CLHC1: variants seen among roughly 807,000 people sequenced by gnomAD.
CLHC1 encodes the protein clathrin heavy chain linker domain-containing protein 1.
CLHC1 carries 72 observed loss-of-function variants against 69.5 expected under a neutral mutation model. The observed-to-expected ratio is 1.04, with a 90% CI of 0.86 to 1.26. The LOEUF is 1.26. Ranked by LOEUF, CLHC1 falls within the 50% of genes most tolerant of loss-of-function variation. The pLI, the probability that CLHC1 is intolerant of heterozygous loss-of-function variation, is 0.00. For synonymous variants in CLHC1, 223 were observed against 224.3 expected (o/e 0.99, Z 0.05); for missense variants, 790 against 679.3 (o/e 1.16, Z -1.81).
intron 3 of CLHC1, among the ~76,000 whole-genome samples, chr2:55,221,660 T>C (rs1439563515): frequency 2.0e-5 from 3 of 152,204 alleles, no homozygotes; most frequent in African/African-American, 4.8e-5. Flanking sequence ...AGAGGGTACA[T>C]ACAGCCAGGT....
At chr2:55,230,379 G>T (rs1675176517) in intron 1 of CLHC1, among the ~76,000 whole-genome samples, 1 of 152,204 alleles carries the variant, frequency 6.6e-6, no homozygotes, top group Non-Finnish European at 1.5e-5. Flanking sequence ...CATGGGAAGA[G>T]CAATTTCATG....
In CLHC1 at chr2:55,222,305, T is replaced by C. The variant is rs781273191; in HGVS notation, c.107A>G (p.Glu36Gly). The C allele has an allele frequency of 6.2e-7, 1 of 1,613,704 alleles. No homozygotes were observed. The highest frequency in any genetic ancestry group is 1.1e-5 in the South Asian group (1 of 91,076). Residue 36 changes from glutamate to glycine, a missense_variant, in exon 3 of 13, where the codon GAA becomes GGA. Transcript: ENST00000401408. ...TCCTTCCTCACTACAGCCCAGTCTT[T>C]CAGTTTCTGTAATTATGTATCTTTG... Reference protein sequence around the residue: ...SVQRYIITETERLGCSEEGPA... With the variant: ...SVQRYIITETGRLGCSEEGPA...
At chr2:55,214,867 G>C (rs907566379) in intron 4 of CLHC1, 2 of 152,150 alleles carry the variant, frequency 1.3e-5, no homozygotes, top group East Asian at 1.9e-4. Context: ...GTATTATTCA[G>C]CCATAAAAAG....
intron 9 of CLHC1, among the ~76,000 whole-genome samples, chr2:55,203,771 C>A (rs1020178143): frequency 6.6e-6 from 1 of 151,928 alleles, no homozygotes; most frequent in East Asian, 1.9e-4. Context: ...TGCATAATAC[C>A]CCATAAGCAC....
chr2:55,228,843 C>G (rs965958562), intron 1 of CLHC1, among the ~76,000 whole-genome samples: 8 of 151,982 alleles, frequency 5.3e-5, no homozygotes, highest in Non-Finnish European at 1.2e-4. Flanking sequence ...CATGTAGAAA[C>G]AGACAACACA....
chr2:55,210,704 C>A (rs1440209042), intron 5 of CLHC1, among the ~76,000 whole-genome samples: 1 of 152,148 alleles, frequency 6.6e-6, no homozygotes, highest in Non-Finnish European at 1.5e-5. Context: ...TCTCTCATTA[C>A]CCTATTATAG....
chr2:55,208,590 A>G (rs1315383344), intron 8 of CLHC1, 36 bp downstream of exon 8: 4 of 1,321,006 alleles, frequency 3.0e-6, no homozygotes, highest in Non-Finnish European at 4.4e-6. Context: ...ATGAAAAAAT[A>G]TAATTCTGAA....
intron 4 of CLHC1, chr2:55,214,957 T>C (rs1052350593): frequency 6.6e-6 from 1 of 152,268 alleles, no homozygotes; most frequent in African/African-American, 2.4e-5. Context: ...TTATGATCTC[T>C]ATTTTTGACA....
intron 9 of CLHC1, among the ~76,000 whole-genome samples, chr2:55,189,073 A>G (rs182491751): frequency 6.6e-6 from 1 of 152,336 alleles, no homozygotes; most frequent in Admixed American, 6.5e-5. Context: ...AGGTTCATGC[A>G]TTATATGTAG....
rs144567094 is a variant in CLHC1, at chr2:55,212,673, C to G, written c.499G>C (p.Gly167Arg). The G allele has an allele frequency of 1.9e-6, 3 of 1,593,784 alleles. No homozygotes were observed. In the African/African-American group the frequency reaches 4.0e-5, roughly 21 times the overall value. Reference protein sequence around the residue: ...FSKDPSKPIPGMTLQESMNLD... With the variant: ...FSKDPSKPIPRMTLQESMNLD... ...AAATATTTTAAACAAAATACAATAC[C>G]TGGAATAGGTTTTGAAGGATCTTTG... The change falls in exon 5 of 13, where the codon GGC becomes CGC. Residue 167 changes from glycine (G) to arginine (R), a missense_variant and splice_region_variant. Physicochemically the swap from Gly to Arg is moderately radical, Grantham distance 125. Transcript: ENST00000401408.
intron 9 of CLHC1, among the ~76,000 whole-genome samples, chr2:55,205,403 A>C (rs932835826): frequency 1.3e-5 from 2 of 150,276 alleles, no homozygotes; most frequent in Non-Finnish European, 3.0e-5. Flanking sequence ...AAGAAAATAC[A>C]CACACACACA....
chr2:55,215,775 T>G (rs1224174379), intron 4 of CLHC1, among the ~76,000 whole-genome samples: 1 of 152,156 alleles, frequency 6.6e-6, no homozygotes, highest in Non-Finnish European at 1.5e-5. Flanking sequence ...TGTTCTCGGG[T>G]CCAAAGCAGT....
chr2:55,198,219 A>G (rs1299145087), intron 9 of CLHC1, among the ~76,000 whole-genome samples: 1 of 152,214 alleles, frequency 6.6e-6, no homozygotes, highest in Non-Finnish European at 1.5e-5. Context: ...TAACCTCAAA[A>G]GTGCAAATCA....
At chr2:55,187,856 T>A (rs1036869003) in intron 9 of CLHC1, among the ~76,000 whole-genome samples, 1 of 152,156 alleles carries the variant, frequency 6.6e-6, no homozygotes, top group Non-Finnish European at 1.5e-5. Context: ...CATCTTAAGA[T>A]ATCATAATGA....
chr2:55,217,245 G>T (rs1198952290), intron 4 of CLHC1, among the ~76,000 whole-genome samples: 1 of 151,222 alleles, frequency 6.6e-6, no homozygotes, highest in Non-Finnish European at 1.5e-5. Flanking sequence ...GGCCAGCACA[G>T]TGGTTCACAC....
At chr2:55,231,093 T>C (rs1675277362) in intron 1 of CLHC1, among the ~76,000 whole-genome samples, 1 of 151,720 alleles carries the variant, frequency 6.6e-6, no homozygotes, top group South Asian at 2.1e-4. Context: ...CTACTAAAAA[T>C]ACAAAAATTA....
chr2:55,186,538 G>A (rs536344953), intron 9 of CLHC1, among the ~76,000 whole-genome samples: 41 of 152,262 alleles, frequency 2.7e-4, no homozygotes, highest in African/African-American at 9.6e-4. Flanking sequence ...AGGAATGCTT[G>A]AGCCCAAAAG....
chr2:55,211,019 G>C (rs1053614876), intron 5 of CLHC1, among the ~76,000 whole-genome samples: 3 of 151,790 alleles, frequency 2.0e-5, no homozygotes, highest in African/African-American at 4.8e-5. Flanking sequence ...TTCTCATCTG[G>C]GCCAATTGTT....
intron 4 of CLHC1, among the ~76,000 whole-genome samples, chr2:55,217,584 T>TAC (rs1673697442): frequency 5.2e-5 from 5 of 96,296 alleles, no homozygotes; most frequent in African/African-American, 1.9e-4. Context: ...TATATATATA[T>TAC]ACTAAGAGGT....
Sources: gnomAD v4.1 joint callset for allele counts (sites outside exome capture counted in the v4.1 genomes callset) on GRCh38, gnomAD v4.1.1 for gene constraint, MANE v1.5 for transcripts, NCBI Gene and HGNC (gene_info 2026-07-23, HGNC 2026-07-21) for gene names.